PRKD1: variants seen among roughly 807,000 people sequenced by gnomAD.
PRKD1 encodes the protein serine/threonine-protein kinase D1.
PRKD1 carries 63 observed loss-of-function variants against 95.9 expected under a neutral mutation model. The ratio of observed to expected loss-of-function variants is 0.66; its 90% confidence interval spans 0.54 to 0.81. The LOEUF is 0.81. PRKD1 is among the 30% of genes least tolerant of loss of function. PRKD1 has a pLI of 0.00. For missense variants in PRKD1, 1,048 were observed against 1,165.3 expected (o/e 0.90, Z 1.47); for synonymous variants, 425 against 423.1 (o/e 1.00, Z -0.05).
At position 29,643,498 on chromosome 14, in the gene PRKD1, A is replaced by G. The variant is rs141992425; in HGVS notation, c.697-4594T>C. ...CACTGAACACCTACTCAGAGAGACA[A>G]TGTATCCTGCTCTTCTAGAGACTGA... On this transcript the variant is annotated intron_variant, in intron 4 of 17. Coordinates refer to ENST00000331968, the MANE Select transcript of PRKD1 (RefSeq NM_002742.3). 5.3e-5 allele frequency among the ~76,000 whole-genome samples: 8 copies of G among 152,312 alleles called. No individual in the cohort carries two copies. The East Asian group carries it at 1.5e-3, about 29-fold the overall frequency.
At chr14:29,889,251 A>G (rs1893852130) in intron 1 of PRKD1, among the ~76,000 whole-genome samples, 1 of 152,208 alleles carries the variant, frequency 6.6e-6, no homozygotes, top group South Asian at 2.1e-4. Flanking sequence ...GCCCATTGAA[A>G]ACAACACCTA....
chr14:29,813,845 T>C (rs1197609298), intron 1 of PRKD1, among the ~76,000 whole-genome samples: 5 of 152,164 alleles, frequency 3.3e-5, no homozygotes, highest in Non-Finnish European at 7.4e-5. Flanking sequence ...ACCCACCTTT[T>C]GGTTCCAGCC....
chr14:29,773,555 A>T (rs995780697), intron 1 of PRKD1, among the ~76,000 whole-genome samples: 1 of 151,962 alleles, frequency 6.6e-6, no homozygotes, highest in Non-Finnish European at 1.5e-5. Context: ...ATTACCCTCA[A>T]ATTTATTTTT....
chr14:29,731,716 C>T (rs1886443946), intron 1 of PRKD1, among the ~76,000 whole-genome samples: 1 of 152,036 alleles, frequency 6.6e-6, no homozygotes, highest in Non-Finnish European at 1.5e-5. Context: ...TATTTCTTGT[C>T]CTTCATGAAC....
rs201057177 is a variant in PRKD1 at position 29,847,877 on chromosome 14, T to TC, written c.264+79371dup. ...TGCATGCGTGTTCTCTCTCTCTCTCTCCCCCCCCACCAACCTTTCACTCTC... is the reference window on the plus strand; with the variant it reads ...TGCATGCGTGTTCTCTCTCTCTCTCTCCCCCCCCCACCAACCTTTCACTCTC... On this transcript the variant is annotated intron_variant, in intron 1 of 17. Transcript: ENST00000331968. Among the ~76,000 whole-genome samples, 905 of 150,114 alleles carry TC rather than the reference T, an allele frequency of 6.0e-3. 2 individuals are homozygous for TC. The highest frequency in any genetic ancestry group is 0.014 in the Admixed American group (204 of 15,028).
chr14:29,753,844 G>A (rs1364685940), intron 1 of PRKD1, among the ~76,000 whole-genome samples: 8 of 151,990 alleles, frequency 5.3e-5, no homozygotes, highest in Admixed American at 3.9e-4. Context: ...TTTCAATGAT[G>A]TACACCTAGA....
At chr14:29,796,819 A>G (rs945283366) in intron 1 of PRKD1, among the ~76,000 whole-genome samples, 15 of 152,316 alleles carry the variant, frequency 9.8e-5, no homozygotes, top group Middle Eastern at 3.4e-3. Flanking sequence ...TAATTAAAGG[A>G]GAATTAGAGA....
At chr14:29,594,759 T>C (rs181976331) in intron 16 of PRKD1, among the ~76,000 whole-genome samples, 3 of 152,316 alleles carry the variant, frequency 2.0e-5, no homozygotes, top group African/African-American at 4.8e-5. Flanking sequence ...CAGATACGAT[T>C]AATAGTTGTG....
intron 1 of PRKD1, among the ~76,000 whole-genome samples, chr14:29,813,095 A>G (rs1321477035): frequency 6.6e-6 from 1 of 152,184 alleles, no homozygotes; most frequent in Non-Finnish European, 1.5e-5. Flanking sequence ...GGGCAACAGG[A>G]GCGAAACTCT....
chr14:29,852,535 G>GGAGA (rs34211278), intron 1 of PRKD1, among the ~76,000 whole-genome samples: 28,623 of 149,086 alleles, frequency 0.19, 3,542 homozygotes, highest in African/African-American at 0.36. Flanking sequence ...ACCAGAAGGA[G>GGAGA]GAGAGAGAGA....
At chr14:29,725,325 A>C (rs1156232078) in intron 2 of PRKD1, among the ~76,000 whole-genome samples, 1 of 152,164 alleles carries the variant, frequency 6.6e-6, no homozygotes, top group Non-Finnish European at 1.5e-5. Context: ...CCTTAAGTCA[A>C]GAGACGTGAT....
chr14:29,712,825 A>G (rs1885399017), intron 2 of PRKD1, among the ~76,000 whole-genome samples: 1 of 152,174 alleles, frequency 6.6e-6, no homozygotes, highest in Non-Finnish European at 1.5e-5. Context: ...ACAGAATGAG[A>G]GTGCTGGGCA....
intron 2 of PRKD1, among the ~76,000 whole-genome samples, chr14:29,691,641 G>C (rs976320968): frequency 6.6e-6 from 1 of 152,052 alleles, no homozygotes; most frequent in Non-Finnish European, 1.5e-5. Flanking sequence ...TGGTGCAAAA[G>C]TAATCAGGTT....
chr14:29,647,247 G>T (rs1313729496), intron 4 of PRKD1, among the ~76,000 whole-genome samples: 1 of 152,190 alleles, frequency 6.6e-6, no homozygotes, highest in South Asian at 2.1e-4. Context: ...GAGTGCTAAA[G>T]TAATCGTGGA....
At chr14:29,722,991 G>C (rs1885972303) in intron 2 of PRKD1, among the ~76,000 whole-genome samples, 1 of 152,182 alleles carries the variant, frequency 6.6e-6, no homozygotes, top group South Asian at 2.1e-4. Context: ...AAGAAGGACA[G>C]GCTAGAGTAG....
intron 1 of PRKD1, among the ~76,000 whole-genome samples, chr14:29,759,525 T>C (rs571553629): frequency 2.6e-5 from 4 of 152,348 alleles, no homozygotes; most frequent in South Asian, 2.1e-4. Context: ...GAAGCCACCA[T>C]AGCCTGAGTA....
At chr14:29,826,826 T>TACACACACAC (rs1310237149) in intron 1 of PRKD1, among the ~76,000 whole-genome samples, 2 of 21,198 alleles carry the variant, frequency 9.4e-5, no homozygotes, top group African/African-American at 4.4e-4. Flanking sequence ...CATATATATA[T>TACACACACAC]ATATATATAT....
chr14:29,926,898 G>A (rs575736787), intron 1 of PRKD1, among the ~76,000 whole-genome samples: 157 of 152,180 alleles, frequency 1.0e-3, no homozygotes, highest in African/African-American at 2.7e-3. Flanking sequence ...GTCCGTAGGG[G>A]AGAGAGGGGA....
chr14:29,817,848 A>T (rs1890753739), intron 1 of PRKD1, among the ~76,000 whole-genome samples: 1 of 152,232 alleles, frequency 6.6e-6, no homozygotes, highest in African/African-American at 2.4e-5. Flanking sequence ...ACAAAGGAAA[A>T]TAAAATTGTA....
Sources: allele counts gnomAD v4.1 joint callset (sites outside exome capture counted in the v4.1 genomes callset), GRCh38; gene constraint gnomAD v4.1.1; transcripts MANE v1.5; gene names NCBI Gene and HGNC (gene_info 2026-07-23, HGNC 2026-07-21).